The following MED13L variants were observed in gnomAD, a reference collection of about 807,000 sequenced individuals.
MED13L encodes mediator complex subunit 13L, also known as mediator of RNA polymerase II transcription subunit 13-like.
In MED13L, 7 loss-of-function variants were observed where a neutral mutation model predicts 220.9. The observed-to-expected ratio is 0.03, with a 90% confidence interval of 0.02 to 0.06. MED13L has a LOEUF of 0.06. MED13L is among the 10% of genes least tolerant of loss of function. The pLI is 1.00. For synonymous variants in MED13L, 1,011 were observed against 1,015.2 expected, an observed-to-expected ratio of 1.00 and a Z score of 0.08; for missense variants, 1,965 against 2,760.5, an observed-to-expected ratio of 0.71 and a Z score of 6.46.
chr12:116,145,704 TTA>T (rs1877443684), intron 2 of MED13L, among the ~76,000 whole-genome samples: 1 of 150,920 alleles, frequency 6.6e-6, no homozygotes, highest in African/African-American at 2.4e-5. Flanking sequence ...TTTATTTATT[TTA>T]AATTTTTGTA....
intron 2 of MED13L, among the ~76,000 whole-genome samples, chr12:116,185,905 A>G (rs754259777): frequency 2.6e-5 from 4 of 152,158 alleles, no homozygotes; most frequent in Non-Finnish European, 5.9e-5. Flanking sequence ...CATGTTGCTC[A>G]GGCTGGTCTC....
intron 2 of MED13L, among the ~76,000 whole-genome samples, chr12:116,158,164 A>C (rs1878588466): frequency 6.6e-6 from 1 of 152,212 alleles, no homozygotes; most frequent in African/African-American, 2.4e-5. Flanking sequence ...AAAAAAAAAA[A>C]AACCGAGAAA....
In MED13L at chr12:116,007,572, G is replaced by A. The variant is rs1055129121; in HGVS notation, c.2077C>T (p.Leu693Phe). The A allele has an allele frequency of 6.2e-6, 10 of 1,612,514 alleles. No homozygotes were observed. Among genetic ancestry groups the A allele is most frequent in the African/African-American group, 2.7e-5 (2 of 74,392 alleles). Residue 693 changes from leucine to phenylalanine, a missense_variant, in exon 11 of 31, where the codon CTC becomes TTC. Leu to Phe is a conservative substitution (Grantham distance 22). Coordinates refer to ENST00000281928, the MANE Select transcript of MED13L (RefSeq NM_015335.5). Reference protein sequence around the residue: ...WQDKQPQLQPLHFLDPLPLSQ... With the variant: ...WQDKQPQLQPFHFLDPLPLSQ... ...AGAGGCAATGGGTCAAGGAAGTGGA[G>A]TGGCTGCAACTGGGGCTGTTTGTCT...
intron 2 of MED13L, among the ~76,000 whole-genome samples, chr12:116,132,764 A>G (rs1365447880): frequency 6.6e-6 from 1 of 152,112 alleles, no homozygotes; most frequent in African/African-American, 2.4e-5. Flanking sequence ...TACTAAAAAT[A>G]CAAAAATTAG....
At chr12:116,039,721 G>C (rs1365638200) in intron 4 of MED13L, among the ~76,000 whole-genome samples, 3 of 152,102 alleles carry the variant, frequency 2.0e-5, no homozygotes, top group Non-Finnish European at 4.4e-5. Context: ...CCAAGTGAGA[G>C]AAAAGCTTGG....
intron 3 of MED13L, among the ~76,000 whole-genome samples, chr12:116,103,939 CAT>C (rs1374321057): frequency 6.6e-6 from 1 of 151,472 alleles, no homozygotes; most frequent in East Asian, 1.9e-4. Flanking sequence ...TACATCCCAC[CAT>C]GCTCCAGTGA....
intron 4 of MED13L, among the ~76,000 whole-genome samples, chr12:116,045,348 C>A (rs1307815036): frequency 2.0e-5 from 3 of 152,132 alleles, no homozygotes; most frequent in African/African-American, 7.2e-5. Context: ...CTCAGCACAT[C>A]CACAAACTGC....
intron 1 of MED13L, among the ~76,000 whole-genome samples, chr12:116,275,964 C>G (rs1873781054): frequency 6.6e-6 from 1 of 152,156 alleles, no homozygotes; most frequent in Non-Finnish European, 1.5e-5. Flanking sequence ...ATTTAAAGAC[C>G]ACGCACTGCA....
rs188386240 is a variant in MED13L, at chr12:115,961,006, T to C, written c.*260A>G. On this transcript the variant is annotated 3_prime_UTR_variant, in exon 31 of 31. Transcript: ENST00000281928. ...ACCACCACTTCCTGGGGACCAGTGG[T>C]TGGGGCTACACACACCACCGCACTG... 2.2e-4 allele frequency: 105 copies of C among 478,254 alleles called. 1 individual carries two copies. In the East Asian group the frequency reaches 4.1e-3, roughly 19 times the overall value. 29.6% of individuals were successfully genotyped at this position (478,254 alleles called of 1,614,324 possible). A position where few individuals can be genotyped will look rare whatever the true frequency, so the allele number is the denominator to read the frequency against.
At chr12:116,273,337 C>T (rs563228293) in intron 1 of MED13L, among the ~76,000 whole-genome samples, 1 of 152,054 alleles carries the variant, frequency 6.6e-6, no homozygotes, top group East Asian at 1.9e-4. Context: ...AGAAAATGAA[C>T]CATCATGGAA....
chr12:116,161,504 A>G (rs1472864042), intron 2 of MED13L, among the ~76,000 whole-genome samples: 3 of 152,178 alleles, frequency 2.0e-5, no homozygotes, highest in Non-Finnish European at 4.4e-5. Flanking sequence ...AGATAAAGCA[A>G]TTACATTTAA....
At chr12:116,026,720 G>A (rs963084173) in intron 4 of MED13L, among the ~76,000 whole-genome samples, 3 of 152,146 alleles carry the variant, frequency 2.0e-5, no homozygotes, top group African/African-American at 7.2e-5. Context: ...AACAAGGACA[G>A]GAATGACAGC....
intron 23 of MED13L, among the ~76,000 whole-genome samples, chr12:115,976,108 T>C (rs1389694938): frequency 6.6e-6 from 1 of 152,142 alleles, no homozygotes; most frequent in Non-Finnish European, 1.5e-5. Context: ...GGTAAGAATA[T>C]GGAGCAACAA....
At chr12:116,104,664 A>T (rs980335613) in intron 3 of MED13L, among the ~76,000 whole-genome samples, 1 of 152,260 alleles carries the variant, frequency 6.6e-6, no homozygotes, top group Non-Finnish European at 1.5e-5. Flanking sequence ...GTAAGTATGG[A>T]CATGATTAAG....
At position 116,003,099 on chromosome 12, in the gene MED13L, C is replaced by T. The variant is rs763261961; in HGVS notation, c.2473G>A (p.Val825Ile). The change falls in exon 14 of 31, where the codon GTA (valine) becomes ATA (isoleucine). Residue 825 changes from valine to isoleucine, a missense_variant. By Grantham distance (29) the Val-to-Ile change is conservative. Around this residue, in one of 10 missense-constraint regions of MED13L, gnomAD observed 818 missense variants for 1,041.2 expected, o/e 0.79. Transcript: ENST00000281928. ...DNSDDDELGA[V>I]SPALRSSKMP... Reference sequence around the variant, plus strand: ...TTTGATGAGCGCAGAGCAGGTGATACAGCCTAAGAACAGACGGTGTTATTA... The same window carrying T: ...TTTGATGAGCGCAGAGCAGGTGATATAGCCTAAGAACAGACGGTGTTATTA... 2.5e-6 allele frequency: 4 copies of T among 1,613,650 alleles called. No individual in the cohort carries two copies. The highest frequency in any genetic ancestry group is 2.5e-6 in the Non-Finnish European group (3 of 1,179,598).
chr12:116,039,509 C>A (rs1311385792), intron 4 of MED13L, among the ~76,000 whole-genome samples: 1 of 152,154 alleles, frequency 6.6e-6, no homozygotes, highest in African/African-American at 2.4e-5. Flanking sequence ...GGCCTTCAAC[C>A]ATCTGCATTG....
At chr12:116,253,753 G>GTTTTTTT (rs746923184) in intron 1 of MED13L, among the ~76,000 whole-genome samples, 8 of 76,496 alleles carry the variant, frequency 1.0e-4, no homozygotes, top group Admixed American at 1.5e-4. Context: ...GGTTTTTTTT[G>GTTTTTTT]TTTTTTTTTT....
Position 115,983,434 on chromosome 12 carries a change from C to G in MED13L, c.4638G>C (p.Gly1546=). The change falls in exon 21 of 31, where the codon GGG becomes GGC. Residue 1546 remains glycine, a synonymous_variant. Transcript: ENST00000281928. ...AQGQATPGNA[G]PLAPNGSAAP... is the part of the protein sequence containing the mutation. ...CTGCTGATCCATTTGGAGCTAAGGGCCCAGCATTCCCTGGCGTAGCTTGTC... is the reference window on the plus strand; with the variant it reads ...CTGCTGATCCATTTGGAGCTAAGGGGCCAGCATTCCCTGGCGTAGCTTGTC... 6.2e-7 allele frequency: 1 copy of G among 1,614,160 alleles called. No individual in the cohort carries two copies. Among genetic ancestry groups the G allele is most frequent in the Non-Finnish European group, 8.5e-7 (1 of 1,180,018 alleles).
At chr12:116,053,882 C>T (rs2137597507) in intron 4 of MED13L, among the ~76,000 whole-genome samples, 1 of 152,138 alleles carries the variant, frequency 6.6e-6, no homozygotes, top group Middle Eastern at 3.4e-3. Flanking sequence ...TGCTAGTATC[C>T]CCATTTTAGA....
Sources: allele counts gnomAD v4.1 joint callset (sites outside exome capture counted in the v4.1 genomes callset), GRCh38; gene constraint gnomAD v4.1.1; regional missense constraint gnomAD v4.1.1; transcripts MANE v1.5; gene names NCBI Gene and HGNC (gene_info 2026-07-23, HGNC 2026-07-21).